KIAA1217: variants seen among roughly 807,000 people sequenced by gnomAD.
The protein encoded by KIAA1217 is sickle tail protein homolog.
In KIAA1217, 88 loss-of-function variants were observed where a neutral mutation model predicts 163.9. The ratio of observed to expected loss-of-function variants is 0.54; its 90% CI spans 0.45 to 0.64. The LOEUF (loss-of-function observed/expected upper bound fraction) is 0.64, where lower values mean the gene tolerates loss of function less well. Among genes scored for constraint, KIAA1217 ranks in the 30% least tolerant of loss-of-function variants. The probability of loss-of-function intolerance (pLI) is 0.00; values close to 1 mark genes in which losing one functional copy is unlikely to be tolerated. For synonymous variants in KIAA1217, 903 were observed against 923.1 expected, an observed-to-expected ratio of 0.98 and a Z score of 0.39; for missense variants, 2,372 against 2,475.0, an observed-to-expected ratio of 0.96 and a Z score of 0.88.
At chr10:24,220,032 G>T (rs937723893) in intron 2 of KIAA1217, 123 bp downstream of exon 2, 22 of 1,044,536 alleles carry the variant, frequency 2.1e-5, no homozygotes, top group Non-Finnish European at 2.6e-5. Context: ...CTATTTAGTT[G>T]TTCTGGATTT....
intron 1 of KIAA1217, among the ~76,000 whole-genome samples, chr10:23,926,905 T>G (rs1843045330): frequency 6.6e-6 from 1 of 151,940 alleles, no homozygotes; most frequent in African/African-American, 2.4e-5. Context: ...ATTTATCTGT[T>G]TATTTATTTA....
At chr10:23,746,627 G>A (rs1407570273) in intron 1 of KIAA1217, among the ~76,000 whole-genome samples, 2 of 152,134 alleles carry the variant, frequency 1.3e-5, no homozygotes, top group East Asian at 1.9e-4. Flanking sequence ...GTTTTACCGT[G>A]TTAGCCAGGA....
At chr10:24,524,863 T>A in intron 13 of KIAA1217, 99 bp downstream of exon 13, 1 of 1,091,590 alleles carries the variant, frequency 9.2e-7, no homozygotes, top group Non-Finnish European at 1.3e-6. Context: ...CATGATTGTG[T>A]ATGGATCAGA....
chr10:24,003,086 A>C (rs1363478111), intron 1 of KIAA1217, among the ~76,000 whole-genome samples: 1 of 152,166 alleles, frequency 6.6e-6, no homozygotes, highest in Non-Finnish European at 1.5e-5. Flanking sequence ...ACATCTCTAC[A>C]ATTGTGAATT....
chr10:23,734,906 G>T (rs1401034921), intron 1 of KIAA1217, among the ~76,000 whole-genome samples: 4 of 151,950 alleles, frequency 2.6e-5, no homozygotes, highest in African/African-American at 9.7e-5. Context: ...TCATCACCCA[G>T]GTATTAAGTC....
chr10:23,728,432 TC>T (rs1270834151), intron 1 of KIAA1217, among the ~76,000 whole-genome samples: 3 of 152,196 alleles, frequency 2.0e-5, no homozygotes, highest in African/African-American at 7.2e-5. Flanking sequence ...TGAGCTTTTT[TC>T]CATATGTTTG....
At chr10:23,694,791 G>T in exon 1 of KIAA1217, 1 of 152,860 alleles carries the variant, frequency 6.5e-6, no homozygotes, top group Non-Finnish European at 1.5e-5. Context: ...AGGCGCACTG[G>T]GGCCGCCGCC....
chr10:24,153,197 A>C (rs566850978), intron 2 of KIAA1217, among the ~76,000 whole-genome samples: 2 of 152,308 alleles, frequency 1.3e-5, no homozygotes, highest in East Asian at 3.9e-4. Context: ...CTTGGAAGCA[A>C]ATAACTCTTC....
chr10:24,412,325 C>A (rs2057858312), intron 3 of KIAA1217, among the ~76,000 whole-genome samples: 1 of 152,192 alleles, frequency 6.6e-6, no homozygotes, highest in Non-Finnish European at 1.5e-5. Context: ...CATGTTTCAG[C>A]TTTAATGCCA....
chr10:24,102,127 A>G (rs988709760), intron 2 of KIAA1217, among the ~76,000 whole-genome samples: 6 of 152,202 alleles, frequency 3.9e-5, no homozygotes, highest in African/African-American at 1.4e-4. Context: ...AGATGACATG[A>G]TTATCTACAT....
chr10:23,905,843 C>G (rs1038223270), intron 1 of KIAA1217, among the ~76,000 whole-genome samples: 1 of 152,148 alleles, frequency 6.6e-6, no homozygotes, highest in African/African-American at 2.4e-5. Flanking sequence ...AGTGTGTGCA[C>G]ACAAGCACTG....
intron 5 of KIAA1217, among the ~76,000 whole-genome samples, chr10:24,443,288 C>T (rs1422473040): frequency 6.6e-6 from 1 of 152,062 alleles, no homozygotes; most frequent in Non-Finnish European, 1.5e-5. Context: ...TGAGACAGCT[C>T]CTTATGTTAA....
At chr10:24,433,511 G>A (rs1339566986) in intron 4 of KIAA1217, among the ~76,000 whole-genome samples, 2 of 151,886 alleles carry the variant, frequency 1.3e-5, no homozygotes, top group African/African-American at 2.4e-5. Flanking sequence ...TTATAAAAAC[G>A]AGGACAAATT....
At chr10:24,124,568 T>C (rs1407854222) in intron 2 of KIAA1217, among the ~76,000 whole-genome samples, 1 of 152,170 alleles carries the variant, frequency 6.6e-6, no homozygotes, top group East Asian at 1.9e-4. Flanking sequence ...TATGGTATTC[T>C]CTTAGCATAT....
chr10:24,514,471 GA>G (rs138850795), intron 10 of KIAA1217, among the ~76,000 whole-genome samples: 2 of 151,924 alleles, frequency 1.3e-5, no homozygotes, highest in Admixed American at 1.3e-4. Flanking sequence ...AGTCTAGAGG[GA>G]AAAAAACATC....
chr10:24,370,337 A>C (rs2051451472), intron 2 of KIAA1217, among the ~76,000 whole-genome samples: 2 of 152,034 alleles, frequency 1.3e-5, no homozygotes, highest in Non-Finnish European at 2.9e-5. Context: ...AAATCTCGTA[A>C]GAAGAGGAAG....
At chr10:24,502,815 AC>A (rs1399861116) in intron 9 of KIAA1217, among the ~76,000 whole-genome samples, 1 of 151,818 alleles carries the variant, frequency 6.6e-6, no homozygotes, top group African/African-American at 2.4e-5. Flanking sequence ...ATGTGGTGAA[AC>A]CCCATTTATA....
intron 5 of KIAA1217, among the ~76,000 whole-genome samples, chr10:24,460,368 A>G (rs563185560): frequency 2.0e-5 from 3 of 152,346 alleles, no homozygotes; most frequent in African/African-American, 7.2e-5. Flanking sequence ...ATTTTTGAAT[A>G]AAAGTTCACA....
intron 2 of KIAA1217, among the ~76,000 whole-genome samples, chr10:24,090,066 T>C (rs2131680744): frequency 6.6e-6 from 1 of 151,858 alleles, no homozygotes; most frequent in Non-Finnish European, 1.5e-5. Context: ...ATTGTCTTTC[T>C]TGCTCTCCTC....
Sources: allele counts gnomAD v4.1 joint callset (sites outside exome capture counted in the v4.1 genomes callset), GRCh38; gene constraint gnomAD v4.1.1; transcripts MANE v1.5; gene names NCBI Gene and HGNC (gene_info 2026-07-23, HGNC 2026-07-21).